The following NRP1 variants were observed in gnomAD, a reference collection of about 807,000 sequenced individuals.
NRP1 encodes neuropilin 1.
In NRP1, 35 loss-of-function variants were observed where a neutral mutation model predicts 106.7. That is an observed-to-expected ratio of 0.33 (90% confidence interval 0.25 to 0.43). The LOEUF is 0.43. Among genes scored for constraint, NRP1 ranks in the 20% least tolerant of loss-of-function variants. The probability of loss-of-function intolerance (pLI) is 1.00; values close to 1 mark genes in which losing one functional copy is unlikely to be tolerated. For synonymous variants in NRP1, 437 were observed against 417.9 expected, an observed-to-expected ratio of 1.05 and a Z score of -0.56; for missense variants, 1,024 against 1,170.4, an observed-to-expected ratio of 0.87 and a Z score of 1.83.
chr10:33,271,891 T>A (rs773196338), intron 2 of NRP1, among the ~76,000 whole-genome samples: 8 of 152,236 alleles, frequency 5.3e-5, no homozygotes, highest in Non-Finnish European at 1.2e-4. Context: ...AGAATCTGAT[T>A]CATCTTCCAT....
intron 6 of NRP1, among the ~76,000 whole-genome samples, chr10:33,251,895 G>T (rs556052683): frequency 6.6e-6 from 1 of 152,200 alleles, no homozygotes; most frequent in Non-Finnish European, 1.5e-5. Context: ...TGGTACAGAA[G>T]GGGGAAGGGA....
chr10:33,312,447 G>A (rs1382221495), intron 2 of NRP1, among the ~76,000 whole-genome samples: 2 of 152,216 alleles, frequency 1.3e-5, no homozygotes, highest in Non-Finnish European at 2.9e-5. Context: ...TGGTTACAAA[G>A]AGCTTCGAAA....
At position 33,185,568 on chromosome 10, in the gene NRP1, T is replaced by C. The variant is rs528433987; in HGVS notation, c.2431+60A>G. 3.1e-4 allele frequency: 394 copies of C among 1,268,376 alleles called. 1 individual carries two copies. In the Middle Eastern group the frequency reaches 5.5e-3, roughly 18 times the overall value. 78.6% of individuals were successfully genotyped at this position (1,268,376 alleles called of 1,614,324 possible). A position where few individuals can be genotyped will look rare whatever the true frequency, so the allele number is the denominator to read the frequency against. On this transcript the variant is annotated intron_variant, in intron 15 of 16. Coordinates refer to ENST00000374867, the MANE Select transcript of NRP1 (RefSeq NM_003873.7). ...AATGAGCAAAACAAAGACCATCATA[T>C]TGGCAAGAGTCTTGCCCTGGGCAAG...
At chr10:33,292,992 A>AT (rs1845112700) in intron 2 of NRP1, among the ~76,000 whole-genome samples, 3 of 151,964 alleles carry the variant, frequency 2.0e-5, no homozygotes, top group Admixed American at 2.0e-4. Context: ...TCTCAAAAAA[A>AT]AAAAAAGCCC....
intron 10 of NRP1, among the ~76,000 whole-genome samples, chr10:33,205,199 G>A (rs1837670935): frequency 6.6e-6 from 1 of 152,208 alleles, no homozygotes; most frequent in Non-Finnish European, 1.5e-5. Context: ...GAAGGGAGAA[G>A]AAAAGCATTC....
At chr10:33,208,146 G>A (rs757030880) in intron 9 of NRP1, among the ~76,000 whole-genome samples, 12 of 151,946 alleles carry the variant, frequency 7.9e-5, no homozygotes, top group Non-Finnish European at 1.5e-4. Flanking sequence ...GGCTTGTCTC[G>A]AACTTAGGGT....
chr10:33,205,524 G>A (rs918825418), intron 10 of NRP1: 2 of 152,286 alleles, frequency 1.3e-5, no homozygotes, highest in African/African-American at 4.8e-5. Context: ...TTGGGGTTTA[G>A]GTTTTGAAGG....
rs1186119373 is a variant in NRP1 at position 33,272,433 on chromosome 10, G to A, written c.249-1577C>T. Among the ~76,000 whole-genome samples the A allele has an allele frequency of 2.0e-5, 3 of 152,108 alleles. No individual in the cohort carries two copies. In the East Asian group the frequency reaches 5.8e-4, roughly 29 times the overall value. ...AACTGTGGAAATACACAGAGGTATT[G>A]TTCATTTCTCCATACTTTGGGAAAT... On this transcript the variant is annotated intron_variant, in intron 2 of 16. Coordinates refer to ENST00000374867, the MANE Select transcript of NRP1 (RefSeq NM_003873.7).
intron 2 of NRP1, among the ~76,000 whole-genome samples, chr10:33,312,110 C>A (rs1846645987): frequency 6.6e-6 from 1 of 152,138 alleles, no homozygotes; most frequent in Non-Finnish European, 1.5e-5. Context: ...TATATTCACT[C>A]ATTTTAGGTC....
intron 6 of NRP1, among the ~76,000 whole-genome samples, chr10:33,251,060 A>G (rs1055898892): frequency 2.0e-5 from 3 of 152,014 alleles, no homozygotes. Context: ...TCTCATCTTG[A>G]TTTGTAATCC....
intron 2 of NRP1, among the ~76,000 whole-genome samples, chr10:33,312,971 C>T (rs868488333): frequency 2.0e-5 from 3 of 152,174 alleles, no homozygotes; most frequent in Non-Finnish European, 2.9e-5. Flanking sequence ...TTTGCGGCTC[C>T]TGTAGTTTGA....
intron 10 of NRP1, 134 bp downstream of exon 10, chr10:33,207,438 A>G: frequency 1.1e-6 from 1 of 874,696 alleles, no homozygotes; most frequent in Non-Finnish European, 1.8e-6. Flanking sequence ...AGTCTCACTG[A>G]TGGGCAGGCA....
Position 33,197,705 on chromosome 10 carries a change from G to C in NRP1, c.1869C>G (p.Gly623=). 1.9e-6 allele frequency: 3 copies of C among 1,591,604 alleles called. No homozygotes were observed. Among genetic ancestry groups the C allele is most frequent in the Non-Finnish European group, 2.6e-6 (3 of 1,166,940 alleles). ...GTGDDFQLTG[G]TTVLATEKPT... ...GCTTTTCTGTGGCCAGCACAGTGGT[G>C]CCACCTGAAAAACAAAAACAGGAAC... The change falls in exon 12 of 17, where the codon GGC becomes GGG. Residue 623 remains glycine, a synonymous_variant. Transcript: ENST00000374867.
intron 3 of NRP1, among the ~76,000 whole-genome samples, chr10:33,266,584 C>T (rs1384021966): frequency 1.3e-5 from 2 of 152,190 alleles, no homozygotes; most frequent in African/African-American, 2.4e-5. Context: ...AGCACTTTCT[C>T]GCAAAAGGAC....
chr10:33,181,470 A>T (rs1564359059), intron 16 of NRP1, among the ~76,000 whole-genome samples: 2 of 152,168 alleles, frequency 1.3e-5, no homozygotes, highest in African/African-American at 4.8e-5. Context: ...TCCCATTTCT[A>T]AGGGCAACAG....
At chr10:33,301,573 GA>G (rs1175948170) in intron 2 of NRP1, among the ~76,000 whole-genome samples, 2 of 152,064 alleles carry the variant, frequency 1.3e-5, no homozygotes, top group African/African-American at 4.8e-5. Context: ...CTTCTGTCTG[GA>G]AAAAGACGAT....
At chr10:33,329,707 T>G (rs572056997) in intron 2 of NRP1, among the ~76,000 whole-genome samples, 1 of 152,190 alleles carries the variant, frequency 6.6e-6, no homozygotes, top group Non-Finnish European at 1.5e-5. Context: ...TATTTATATA[T>G]GTACAAACTT....
intron 3 of NRP1, among the ~76,000 whole-genome samples, chr10:33,266,929 G>C (rs1478738193): frequency 6.6e-6 from 1 of 152,184 alleles, no homozygotes; most frequent in South Asian, 2.1e-4. Context: ...CTACTTGGGA[G>C]GCTGAGGCAG....
chr10:33,314,640 A>G (rs915489568), intron 2 of NRP1, among the ~76,000 whole-genome samples: 4 of 152,142 alleles, frequency 2.6e-5, no homozygotes, highest in African/African-American at 9.6e-5. Context: ...ATTGTGCCAC[A>G]CGCCTTAAGA....
Sources: allele counts gnomAD v4.1 joint callset (sites outside exome capture counted in the v4.1 genomes callset), GRCh38; gene constraint gnomAD v4.1.1; transcripts MANE v1.5; gene names NCBI Gene and HGNC (gene_info 2026-07-23, HGNC 2026-07-21).